Variants in SLC35F6 observed in about 807,000 individuals in gnomAD.
SLC35F6 encodes the protein solute carrier family 35 member F6.
In SLC35F6, 26 loss-of-function variants were observed where a neutral mutation model predicts 29.4. That is an observed-to-expected ratio of 0.89 (90% CI 0.65 to 1.23). The LOEUF (loss-of-function observed/expected upper bound fraction) is 1.23, where lower values mean the gene tolerates loss of function less well. Among genes scored for constraint, SLC35F6 ranks in the 50% most tolerant of loss-of-function variants. The probability of loss-of-function intolerance (pLI) is 0.00; values close to 1 mark genes in which losing one functional copy is unlikely to be tolerated. For missense variants in SLC35F6, 428 were observed against 487.8 expected, an observed-to-expected ratio of 0.88 and a Z score of 1.15; for synonymous variants, 174 against 206.6, an observed-to-expected ratio of 0.84 and a Z score of 1.35.
chr2:26,769,036 A>C (rs1217520750), intron 1 of SLC35F6, among the ~76,000 whole-genome samples: 1 of 152,132 alleles, frequency 6.6e-6, no homozygotes, highest in Non-Finnish European at 1.5e-5. Context: ...GAGAGTGGAG[A>C]AGCCTTGGCC....
Position 26,775,365 on chromosome 2 carries a change from C to T in SLC35F6, c.323-99C>T, listed in dbSNP as rs538488758. On this transcript the variant is annotated intron_variant, in intron 3 of 5. Coordinates refer to ENST00000344420, the MANE Select transcript of SLC35F6 (RefSeq NM_017877.4). This position sits in a 1 kb window ranked among gnomAD's most constrained non-coding sequence, Gnocchi z 4.6. ...AGGCACACAGGCAGGACTGATCGAG[C>T]GCTTACTATGAGCTTGGCATGTCTA... The T allele has an allele frequency of 8.5e-6, 13 of 1,522,784 alleles. No homozygotes were observed. The highest frequency in any genetic ancestry group is 2.0e-4 in the Middle Eastern group (1 of 4,932). The allele number at this position is 1,522,784 out of a possible 1,614,324, so 94.3% of individuals were successfully genotyped here.
At position 26,779,099 on chromosome 2, in the gene SLC35F6, G is replaced by C. The variant is rs1664361096; in HGVS notation, c.*588G>C. 1 of 151,990 alleles carries C rather than the reference G, an allele frequency of 6.6e-6. No individual in the cohort carries two copies. The highest frequency in any genetic ancestry group is 1.5e-5 in the Non-Finnish European group (1 of 68,076). The allele number at this position is 151,990 out of a possible 1,614,324, so 9.4% of individuals were successfully genotyped here. A position where few individuals can be genotyped will look rare whatever the true frequency, so the allele number is the denominator to read the frequency against. On this transcript the variant is annotated 3_prime_UTR_variant, in exon 6 of 6. Transcript: ENST00000344420. The stretch of plus-strand genomic sequence containing the variant: ...GGGATTACAGGTGCATAACACACCT[G>C]GGTAACTTTTATAGAGATGGGGTTT...
chr2:26,764,292 G>C lies in SLC35F6; in HGVS notation c.-58G>C. On this transcript the variant is annotated 5_prime_UTR_variant, in exon 1 of 6. Transcript: ENST00000344420. Reference sequence around the variant, plus strand: ...CCGGCCCGGAAGCGCTCGCGCAGGAGACCCCGGGTGACGGGGCCCGGCGCC... The same window carrying C: ...CCGGCCCGGAAGCGCTCGCGCAGGACACCCCGGGTGACGGGGCCCGGCGCC... The C allele has an allele frequency of 1.3e-6, 2 of 1,540,736 alleles. No homozygotes were observed. Among genetic ancestry groups the C allele is most frequent in the Non-Finnish European group, 1.8e-6 (2 of 1,141,152 alleles).
chr2:26,781,147 A>G lies in SLC35F6; in HGVS notation c.*2636A>G, dbSNP rs1020747767. 6.6e-6 allele frequency: 1 copy of G among 152,216 alleles called. No individual in the cohort carries two copies. The highest frequency in any genetic ancestry group is 2.4e-5 in the African/African-American group (1 of 41,462). 9.4% of individuals were successfully genotyped at this position (152,216 alleles called of 1,614,324 possible). A position where few individuals can be genotyped will look rare whatever the true frequency, so the allele number is the denominator to read the frequency against. On this transcript the variant is annotated 3_prime_UTR_variant, in exon 6 of 6. Coordinates refer to ENST00000344420, the MANE Select transcript of SLC35F6 (RefSeq NM_017877.4). The stretch of plus-strand genomic sequence containing the variant: ...TAAAAAAAGAAAAGGAAAATTGGCA[A>G]TTGTATTAATCCATTCTCGAATTGC...
chr2:26,766,468 C>T (rs528627885), intron 1 of SLC35F6, among the ~76,000 whole-genome samples: 55 of 152,164 alleles, frequency 3.6e-4, no homozygotes, highest in Middle Eastern at 3.4e-3. Flanking sequence ...CGTGGTAGTG[C>T]GCACCTGTAG....
rs1457045233 is a variant in SLC35F6 at position 26,780,455 on chromosome 2, C to T, written c.*1944C>T. The T allele has an allele frequency of 6.6e-6, 1 of 152,214 alleles. No homozygotes were observed. Among genetic ancestry groups the T allele is most frequent in the East Asian group, 1.9e-4 (1 of 5,178 alleles). The allele number at this position is 152,214 out of a possible 1,614,324, so 9.4% of individuals were successfully genotyped here. On this transcript the variant is annotated 3_prime_UTR_variant, in exon 6 of 6. Transcript: ENST00000344420. ...GATGACAGACTAAGTAGGATTCTGCCATTTAGAATAATTCTGGTATCCTGG... is the reference window on the plus strand; with the variant it reads ...GATGACAGACTAAGTAGGATTCTGCTATTTAGAATAATTCTGGTATCCTGG...
chr2:26,769,380 C>T (rs1420745470), intron 1 of SLC35F6, among the ~76,000 whole-genome samples: 1 of 152,218 alleles, frequency 6.6e-6, no homozygotes, highest in African/African-American at 2.4e-5. Context: ...GAGGTCATCT[C>T]CCCTAGAATA....
chr2:26,768,523 G>A lies in SLC35F6; in HGVS notation c.77+4097G>A, dbSNP rs182706012. Among the ~76,000 whole-genome samples the A allele has an allele frequency of 6.4e-3, 976 of 151,846 alleles. 11 individuals are homozygous for A. Among genetic ancestry groups the A allele is most frequent in the Middle Eastern group, 0.027 (8 of 294 alleles). On this transcript the variant is annotated intron_variant, in intron 1 of 5. Transcript: ENST00000344420. ...ACTACAGGTGCCTGCCACCATGCCCGGATAATTTTTTTGTATTTTTTTAGT... is the reference window on the plus strand; with the variant it reads ...ACTACAGGTGCCTGCCACCATGCCCAGATAATTTTTTTGTATTTTTTTAGT...
intron 1 of SLC35F6, among the ~76,000 whole-genome samples, chr2:26,765,294 AG>A (rs1664077105): frequency 6.6e-6 from 1 of 152,192 alleles, no homozygotes; most frequent in South Asian, 2.1e-4. Context: ...TCAGACAGAG[AG>A]GGCAAGTGGC....
At chr2:26,769,866 A>G (rs1376944666) in intron 1 of SLC35F6, among the ~76,000 whole-genome samples, 1 of 152,156 alleles carries the variant, frequency 6.6e-6, no homozygotes, top group East Asian at 1.9e-4. Context: ...GGTCATGTAT[A>G]TATCCTTATA....
chr2:26,764,316 C>G lies in SLC35F6; in HGVS notation c.-34C>G. On this transcript the variant is annotated 5_prime_UTR_variant, in exon 1 of 6. Coordinates refer to ENST00000344420, the MANE Select transcript of SLC35F6 (RefSeq NM_017877.4). ...AGACCCCGGGTGACGGGGCCCGGCG[C>G]CGCTAACTGGAGCGAACCCCAGCGT... The G allele has an allele frequency of 6.5e-7, 1 of 1,547,748 alleles. No individual in the cohort carries two copies. Among genetic ancestry groups the G allele is most frequent in the Non-Finnish European group, 8.7e-7 (1 of 1,145,776 alleles).
chr2:26,764,807 C>CT, intron 1 of SLC35F6: 1 of 985,394 alleles, frequency 1.0e-6, no homozygotes, highest in African/African-American at 1.7e-5. Flanking sequence ...GCTGTGCAGG[C>CT]CGAGTGACCC....
chr2:26,778,007 A>C, intron 5 of SLC35F6, 35 bp from the exon 6 acceptor site: 1 of 1,573,400 alleles, frequency 6.4e-7, no homozygotes, highest in African/African-American at 1.3e-5. Context: ...GTCTGGGGGA[A>C]GGTGGAGAGT....
intron 1 of SLC35F6, among the ~76,000 whole-genome samples, chr2:26,771,179 C>T (rs1664190269): frequency 6.6e-6 from 1 of 152,236 alleles, no homozygotes; most frequent in Non-Finnish European, 1.5e-5. Context: ...AGAAGCGCCC[C>T]AGCCTTGGGG....
intron 1 of SLC35F6, among the ~76,000 whole-genome samples, chr2:26,769,052 G>C (rs1309452023): frequency 6.6e-6 from 1 of 152,194 alleles, no homozygotes; most frequent in Non-Finnish European, 1.5e-5. Context: ...TGGCCCTTCT[G>C]TAGGTCCCAG....
rs199940779 is a variant in SLC35F6, at chr2:26,776,323, C to T, written c.536-49C>T. On this transcript the variant is annotated intron_variant, in intron 4 of 5. Coordinates refer to ENST00000344420, the MANE Select transcript of SLC35F6 (RefSeq NM_017877.4). ...CGCTGTGGCCATGCTCTCCTGGCCC[C>T]CAGCCCCAGTGCAGCCCTGTTCTCA... 1,357 of 1,576,828 alleles carry T rather than the reference C, an allele frequency of 8.6e-4. 1 individual carries two copies. Among genetic ancestry groups the T allele is most frequent in the Non-Finnish European group, 9.2e-4 (1,053 of 1,147,268 alleles).
intron 1 of SLC35F6, chr2:26,764,929 G>A (rs1220604276): frequency 1.7e-5 from 17 of 985,444 alleles, no homozygotes; most frequent in Non-Finnish European, 2.0e-5. Context: ...ATGTGTCTGA[G>A]ACTGTAAGTC....
intron 1 of SLC35F6, among the ~76,000 whole-genome samples, chr2:26,772,525 G>C (rs1664216184): frequency 6.6e-6 from 1 of 152,170 alleles, no homozygotes. Context: ...GATGCATTTG[G>C]AGCTGTGTCA....
intron 1 of SLC35F6, among the ~76,000 whole-genome samples, chr2:26,772,494 C>T (rs906565317): frequency 6.6e-6 from 1 of 152,248 alleles, no homozygotes; most frequent in Non-Finnish European, 1.5e-5. Flanking sequence ...GTGTTGACTT[C>T]AGTCAGCACA....
Sources: allele counts gnomAD v4.1 joint callset (sites outside exome capture counted in the v4.1 genomes callset), GRCh38; gene constraint gnomAD v4.1.1; non-coding constraint Gnocchi (gnomAD v3.1); transcripts MANE v1.5; gene names NCBI Gene and HGNC (gene_info 2026-07-23, HGNC 2026-07-21).